The following C11orf52 variants were observed in gnomAD, a reference collection of about 807,000 sequenced individuals.
C11orf52 encodes uncharacterized protein C11orf52.
C11orf52 carries 9 observed loss-of-function variants against 11.7 expected under a neutral mutation model. The ratio of observed to expected loss-of-function variants is 0.77; its 90% CI spans 0.46 to 1.34. The LOEUF (loss-of-function observed/expected upper bound fraction) is 1.34, where lower values mean the gene tolerates loss of function less well. Ranked by LOEUF, C11orf52 falls within the 40% of genes most tolerant of loss-of-function variation. C11orf52 has a pLI of 0.00. For synonymous variants in C11orf52, 49 were observed against 57.4 expected (o/e 0.85, Z 0.66); for missense variants, 139 against 154.8 (o/e 0.90, Z 0.54).
chr11:111,919,203 G>C, intron 1 of C11orf52, 199 bp downstream of exon 1: 1 of 630,180 alleles, frequency 1.6e-6, no homozygotes, highest in Non-Finnish European at 2.8e-6. Context: ...GGCTGGGCGC[G>C]GTGGCTCACG....
rs1555166947 is a variant in C11orf52, at chr11:111,926,087, C to T, written c.260C>T (p.Pro87Leu). 3.1e-6 allele frequency: 5 copies of T among 1,614,242 alleles called. No homozygotes were observed. The highest frequency in any genetic ancestry group is 4.2e-6 in the Non-Finnish European group (5 of 1,180,046). Residue 87 changes from proline to leucine, a missense_variant, in exon 4 of 4, where the codon CCC (proline) becomes CTC (leucine). By Grantham distance (98) the Pro-to-Leu change is moderately conservative. Coordinates refer to ENST00000278601, the MANE Select transcript of C11orf52 (RefSeq NM_080659.3). ...HYADIQVCSR[P>L]HAREVKHVHL... ...GCTGACATTCAAGTGTGCAGCCGTC[C>T]CCATGCCCGGGAAGTGAAACACGTG...
Position 111,925,981 on chromosome 11 carries a change from A to C in C11orf52, c.154A>C (p.Thr52Pro). ...LPKGHETTGH[T>P]YERVLQQQGS... The stretch of plus-strand genomic sequence containing the variant: ...GCAGGGCCATGAAACAACAGGACAT[A>C]CGTATGAACGGGTGTTACAGCAGCA... The change falls in exon 4 of 4, where the codon ACG (threonine) becomes CCG (proline). Residue 52 changes from threonine to proline, a missense_variant. Transcript: ENST00000278601. 3 of 1,614,212 alleles carry C rather than the reference A, an allele frequency of 1.9e-6. No individual in the cohort carries two copies. Among genetic ancestry groups the C allele is most frequent in the Non-Finnish European group, 2.5e-6 (3 of 1,180,026 alleles).
In C11orf52 at chr11:111,918,998, G is replaced by A. The variant is rs1555166299; in HGVS notation, c.26G>A (p.Gly9Glu). 6.2e-7 allele frequency: 1 copy of A among 1,614,218 alleles called. No homozygotes were observed. Among genetic ancestry groups the A allele is most frequent in the Admixed American group, 1.7e-5 (1 of 60,022 alleles). Residue 9 changes from glycine (G) to glutamate (E), a missense_variant, in exon 1 of 4, where the codon GGA (glycine) becomes GAA (glutamate). Coordinates refer to ENST00000278601, the MANE Select transcript of C11orf52 (RefSeq NM_080659.3). MGNRVCCG[G>E]SWSCPSTFQK... The stretch of plus-strand genomic sequence containing the variant: ...ATGGGAAACCGGGTCTGCTGCGGAG[G>A]AAGCTGGTGAGTAGGCTGGAAGGGC...
intron 3 of C11orf52, 55 bp from the exon 4 acceptor site, chr11:111,925,905 G>A: frequency 5.0e-6 from 8 of 1,608,352 alleles, no homozygotes; most frequent in Non-Finnish European, 6.8e-6. Context: ...CTGCATTGGA[G>A]GTGAGGGGCA....
intron 1 of C11orf52, among the ~76,000 whole-genome samples, chr11:111,923,996 C>T (rs1028278920): frequency 8.5e-5 from 13 of 152,158 alleles, no homozygotes; most frequent in African/African-American, 3.1e-4. Context: ...AGATTTCCCT[C>T]ACCCTCTGCT....
At chr11:111,921,639 A>C (rs1965700694) in intron 1 of C11orf52, among the ~76,000 whole-genome samples, 2 of 152,330 alleles carry the variant, frequency 1.3e-5, no homozygotes, top group South Asian at 4.1e-4. Flanking sequence ...GAGATGTAAC[A>C]GCTTCTTTTA....
At position 111,924,360 on chromosome 11, in the gene C11orf52, A is replaced by G; in HGVS notation, c.67A>G (p.Thr23Ala). 1 of 1,613,282 alleles carries G rather than the reference A, an allele frequency of 6.2e-7. No homozygotes were observed. ...ATCAACTTTCCAGAAGAAAAAGAAA[A>G]CAGGTAACTTTGGGGCTGGGGGAGG... ...CPSTFQKKKK[T>A]GSQTRRTLKP... The change falls in exon 2 of 4, where the codon ACA (threonine) becomes GCA (alanine). Residue 23 changes from threonine to alanine, a missense_variant. Transcript: ENST00000278601.
rs1965809818 is a variant in C11orf52 at position 111,926,347 on chromosome 11, A to G, written c.*148A>G. 1 of 1,244,196 alleles carries G rather than the reference A, an allele frequency of 8.0e-7. No homozygotes were observed. The highest frequency in any genetic ancestry group is 1.5e-5 in the South Asian group (1 of 67,102). 77.1% of individuals were successfully genotyped at this position (1,244,196 alleles called of 1,614,324 possible). ...AAGCCCCTGGAATTGTGGGCGTCCCATTTTCTCCCCTGGCCTCTTACTTGC... is the reference window on the plus strand; with the variant it reads ...AAGCCCCTGGAATTGTGGGCGTCCCGTTTTCTCCCCTGGCCTCTTACTTGC... On this transcript the variant is annotated 3_prime_UTR_variant, in exon 4 of 4. Transcript: ENST00000278601.
At chr11:111,923,983 G>C (rs1201394569) in intron 1 of C11orf52, among the ~76,000 whole-genome samples, 1 of 152,114 alleles carries the variant, frequency 6.6e-6, no homozygotes. Context: ...TCCATCATTT[G>C]ACAGATTTCC....
At chr11:111,924,643 C>T (rs1449749368) in intron 2 of C11orf52, among the ~76,000 whole-genome samples, 2 of 152,104 alleles carry the variant, frequency 1.3e-5, no homozygotes, top group East Asian at 3.9e-4. Context: ...CTGTGTGGGT[C>T]CCAAGGAGGC....
chr11:111,925,537 A>G, intron 2 of C11orf52, 116 bp from the exon 3 acceptor site: 1 of 996,650 alleles, frequency 1.0e-6, no homozygotes. Context: ...GTGAGAATGG[A>G]GGCAGGGGGA....
Position 111,926,216 on chromosome 11 carries a change from C to G in C11orf52, c.*17C>G. 1 of 1,612,014 alleles carries G rather than the reference C, an allele frequency of 6.2e-7. No homozygotes were observed. The highest frequency in any genetic ancestry group is 8.5e-7 in the Non-Finnish European group (1 of 1,178,860). On this transcript the variant is annotated 3_prime_UTR_variant, in exon 4 of 4. Transcript: ENST00000278601. ...CTGGTGTGAGCGCTTGGGAGGAAGG[C>G]CCAGTCCATCGTTAACCACTACACC... is the stretch of plus-strand genomic sequence containing the variant.
At chr11:111,919,105 C>A in intron 1 of C11orf52, 101 bp downstream of exon 1, 4 of 1,299,946 alleles carry the variant, frequency 3.1e-6, no homozygotes, top group South Asian at 1.3e-5. Context: ...GCCAGCCTCC[C>A]ACTGCCACCT....
chr11:111,924,186 C>A lies in C11orf52; in HGVS notation c.33-140C>A, dbSNP rs587644180. 3.6e-5 allele frequency: 28 copies of A among 777,574 alleles called. No individual in the cohort carries two copies. The South Asian group carries it at 4.3e-4, about 12-fold the overall frequency. 48.2% of individuals were successfully genotyped at this position (777,574 alleles called of 1,614,324 possible). ...CCTTGACTAATGTTTTGGGACTGAACCTGGCTCAGGGTGAATCTTTGTTAG... is the reference window on the plus strand; with the variant it reads ...CCTTGACTAATGTTTTGGGACTGAAACTGGCTCAGGGTGAATCTTTGTTAG... On this transcript the variant is annotated intron_variant, in intron 1 of 3. Transcript: ENST00000278601.
chr11:111,924,009 G>GATT (rs1395585530), intron 1 of C11orf52, among the ~76,000 whole-genome samples: 1 of 152,186 alleles, frequency 6.6e-6, no homozygotes, highest in Non-Finnish European at 1.5e-5. Context: ...CCTCTGCTGG[G>GATT]ATTAGCCTGT....
In C11orf52 at chr11:111,918,977, GA is replaced by G; in HGVS notation, c.8del (p.Asn3ThrfsTer29). The G allele has an allele frequency of 6.2e-7, 1 of 1,614,110 alleles. No individual in the cohort carries two copies. The highest frequency in any genetic ancestry group is 1.6e-4 in the Middle Eastern group (1 of 6,062). On this transcript the variant is annotated frameshift_variant, in exon 1 of 4. Transcript: ENST00000278601. LOFTEE classifies it high-confidence loss of function. M[G>X]NRVCCGGSWS... Reference sequence around the variant, plus strand: ...CTCCCTTGGAGACAGAGCGCCATGGGAAACCGGGTCTGCTGCGGAGGAAGCT... The same window carrying G: ...CTCCCTTGGAGACAGAGCGCCATGGGAACCGGGTCTGCTGCGGAGGAAGCT...
chr11:111,922,474 G>A (rs996541855), intron 1 of C11orf52, among the ~76,000 whole-genome samples: 1 of 152,096 alleles, frequency 6.6e-6, no homozygotes, highest in Admixed American at 6.6e-5. Context: ...GCAACGAGCA[G>A]AAAATAAAAA....
At position 111,918,954 on chromosome 11, in the gene C11orf52, C is replaced by A; in HGVS notation, c.-19C>A. 1 of 1,614,168 alleles carries A rather than the reference C, an allele frequency of 6.2e-7. No individual in the cohort carries two copies. The highest frequency in any genetic ancestry group is 8.5e-7 in the Non-Finnish European group (1 of 1,180,026). On this transcript the variant is annotated 5_prime_UTR_variant, in exon 1 of 4. Coordinates refer to ENST00000278601, the MANE Select transcript of C11orf52 (RefSeq NM_080659.3). Reference sequence around the variant, plus strand: ...CTTGATGCATAAAAACAGCTGGGCTCCCTTGGAGACAGAGCGCCATGGGAA... The same window carrying A: ...CTTGATGCATAAAAACAGCTGGGCTACCTTGGAGACAGAGCGCCATGGGAA...
Position 111,926,298 on chromosome 11 carries a change from A to G in C11orf52, c.*99A>G. ...GGGTGGCAACCCAGGGATGTTGTCC[A>G]CGTTTTAAGCTTAAAGAACTCCAAA... is the stretch of plus-strand genomic sequence containing the variant. On this transcript the variant is annotated 3_prime_UTR_variant, in exon 4 of 4. Transcript: ENST00000278601. 6.5e-7 allele frequency: 1 copy of G among 1,541,162 alleles called. No homozygotes were observed. The highest frequency in any genetic ancestry group is 8.8e-7 in the Non-Finnish European group (1 of 1,138,510).
Sources: allele counts gnomAD v4.1 joint callset (sites outside exome capture counted in the v4.1 genomes callset), GRCh38; gene constraint gnomAD v4.1.1; transcripts MANE v1.5; gene names NCBI Gene and HGNC (gene_info 2026-07-23, HGNC 2026-07-21).